CYLC2: variants seen among roughly 807,000 people sequenced by gnomAD.
CYLC2 encodes cylicin 2.
CYLC2 carries 30 observed loss-of-function variants against 26.1 expected under a neutral mutation model. That is an observed-to-expected ratio of 1.15 (90% confidence interval 0.86 to 1.56). The LOEUF is 1.56. Among genes scored for constraint, CYLC2 ranks in the 40% most tolerant of loss-of-function variants. CYLC2 has a pLI of 0.00. For missense variants in CYLC2, 498 were observed against 394.4 expected, an observed-to-expected ratio of 1.26 and a Z score of -2.23; for synonymous variants, 158 against 132.8, an observed-to-expected ratio of 1.19 and a Z score of -1.31.
chr9:103,014,441 A>G (rs5006576), intron 6 of CYLC2, among the ~76,000 whole-genome samples: 71,586 of 112,416 alleles, frequency 0.64, 21,393 homozygotes, highest in East Asian at 0.79. Flanking sequence ...TGTATATTAC[A>G]TAATATACAT....
chr9:103,001,718 T>C, intron 2 of CYLC2, 100 bp downstream of exon 2: 1 of 717,004 alleles, frequency 1.4e-6, no homozygotes, highest in Admixed American at 2.9e-5. Flanking sequence ...TGCCATGGAA[T>C]AAAATTGATA....
At position 103,005,554 on chromosome 9, in the gene CYLC2, C is replaced by T. The variant is rs1829336978; in HGVS notation, c.923C>T (p.Thr308Ile). 1 of 1,608,988 alleles carries T rather than the reference C, an allele frequency of 6.2e-7. No individual in the cohort carries two copies. Among genetic ancestry groups the T allele is most frequent in the Non-Finnish European group, 8.5e-7 (1 of 1,176,904 alleles). ...GCCAAGAAAGTTGCCAAGAAAGATA[C>T]TGAGAAAGAATCTGCTGATTCAAAG... ...KDAKKVAKKD[T>I]EKESADSKKD... The change falls in exon 5 of 8, where the codon ACT becomes ATT. Residue 308 changes from threonine to isoleucine, a missense_variant. Physicochemically the swap from Thr to Ile is moderately conservative, Grantham distance 89 (BLOSUM62 -1). Coordinates refer to ENST00000374798, the MANE Select transcript of CYLC2 (RefSeq NM_001340.5).
In CYLC2 at chr9:103,005,913, A is replaced by G. The variant is rs1171446549; in HGVS notation, c.*235A>G. ...CCATTGAAAGACTTGAAGAATACAT[A>G]TACTTATATTCGGGGATATGAAGGA... On this transcript the variant is annotated 3_prime_UTR_variant, in exon 5 of 8. Coordinates refer to ENST00000374798, the MANE Select transcript of CYLC2 (RefSeq NM_001340.5). The G allele has an allele frequency of 2.2e-6, 1 of 463,198 alleles. No individual in the cohort carries two copies. Among genetic ancestry groups the G allele is most frequent in the Non-Finnish European group, 3.8e-6 (1 of 264,854 alleles). The allele number at this position is 463,198 out of a possible 1,614,324, so 28.7% of individuals were successfully genotyped here.
At chr9:103,001,688 C>CA (rs149905682) in intron 2 of CYLC2, 70 bp downstream of exon 2, 60,667 of 968,702 alleles carry the variant, frequency 0.063, 2,426 homozygotes, top group Admixed American at 0.11. Flanking sequence ...ATCCTCTATT[C>CA]AAAGTGATAA....
chr9:103,008,037 T>G (rs1200590357), intron 5 of CYLC2, among the ~76,000 whole-genome samples: 3 of 150,722 alleles, frequency 2.0e-5, no homozygotes, highest in Non-Finnish European at 2.9e-5. Context: ...TCTAGGAACC[T>G]GCTCATCATC....
At position 102,997,514 on chromosome 9, in the gene CYLC2, C is replaced by A. The variant is rs1015369858; in HGVS notation, c.17+2117C>A. Among the ~76,000 whole-genome samples, 4 of 152,042 alleles carry A rather than the reference C, an allele frequency of 2.6e-5. No individual in the cohort carries two copies. In the East Asian group the frequency reaches 5.8e-4, roughly 22 times the overall value. ...TTGACCTTGCCTTTACACAGAGACT[C>A]CTCTAGCAAATACAAGAAGAGAAGC... On this transcript the variant is annotated intron_variant, in intron 1 of 7. Coordinates refer to ENST00000374798, the MANE Select transcript of CYLC2 (RefSeq NM_001340.5).
intron 6 of CYLC2, among the ~76,000 whole-genome samples, chr9:103,014,950 G>T (rs1229282050): frequency 7.8e-6 from 1 of 128,392 alleles, no homozygotes; most frequent in Admixed American, 8.4e-5. Flanking sequence ...CATAATACAT[G>T]TAATATACAT....
In CYLC2 at chr9:103,003,218, C is replaced by A; in HGVS notation, c.135C>A (p.Thr45=). ...LLFPKPQRPG[T]KRRSKPSQIR... ...TTCCCAAACCACAACGGCCAGGAAC[C>A]AAAAGGAGATCAAAACCTTCTCAAA... The change falls in exon 3 of 8, where the codon ACC becomes ACA. Residue 45 remains threonine, a synonymous_variant. Transcript: ENST00000374798. The A allele has an allele frequency of 1.2e-6, 2 of 1,613,786 alleles. No individual in the cohort carries two copies. Among genetic ancestry groups the A allele is most frequent in the Non-Finnish European group, 1.7e-6 (2 of 1,179,850 alleles).
chr9:103,003,019 A>G, intron 2 of CYLC2, 123 bp from the exon 3 acceptor site: 1 of 1,113,992 alleles, frequency 9.0e-7, no homozygotes, highest in Non-Finnish European at 1.3e-6. Context: ...TACCAAATAA[A>G]TGAAGTCATA....
In CYLC2 at chr9:102,997,915, T is replaced by C. The variant is rs578189411; in HGVS notation, c.17+2518T>C. Among the ~76,000 whole-genome samples the C allele has an allele frequency of 2.8e-4, 43 of 152,078 alleles. No individual in the cohort carries two copies. In the South Asian group the frequency reaches 4.6e-3, roughly 16 times the overall value. On this transcript the variant is annotated intron_variant, in intron 1 of 7. Coordinates refer to ENST00000374798, the MANE Select transcript of CYLC2 (RefSeq NM_001340.5). ...TTTATGGTGATAGAATAGAAATAGA[T>C]TTTTCTCTTAAGAAATAAAGTCCCC...
chr9:103,018,427 T>C lies in CYLC2; in HGVS notation c.*993T>C, dbSNP rs1358730325. 1 of 151,950 alleles carries C rather than the reference T, an allele frequency of 6.6e-6. No homozygotes were observed. The highest frequency in any genetic ancestry group is 1.5e-5 in the Non-Finnish European group (1 of 67,972). The allele number at this position is 151,950 out of a possible 1,614,324, so 9.4% of individuals were successfully genotyped here. A position where few individuals can be genotyped will look rare whatever the true frequency, so the allele number is the denominator to read the frequency against. On this transcript the variant is annotated 3_prime_UTR_variant, in exon 8 of 8. Transcript: ENST00000374798. ...CATGAAAGTTGCTTGACAGCTCTAATTACGAATTGAACACATTAAACACCT... is the reference window on the plus strand; with the variant it reads ...CATGAAAGTTGCTTGACAGCTCTAACTACGAATTGAACACATTAAACACCT...
chr9:103,014,548 ATG>A lies in CYLC2; in HGVS notation c.*817-2339_*817-2338del, dbSNP rs1564101217. ...ATGCAATATACATCATATGTATATT[ATG>A]CAGTATACATCATATGTATATTATG... On this transcript the variant is annotated intron_variant, in intron 6 of 7. Transcript: ENST00000374798. Among the ~76,000 whole-genome samples, 183 of 139,806 alleles carry A rather than the reference ATG, an allele frequency of 1.3e-3. 22 individuals carry two copies. Among genetic ancestry groups the A allele is most frequent in the Middle Eastern group, 0.011 (1 of 90 alleles). The allele number at this position is 139,806 out of a possible 152,430, so 91.7% of individuals were successfully genotyped here.
Position 103,008,043 on chromosome 9 carries a change from T to C in CYLC2, c.*700+1665T>C, listed in dbSNP as rs139310766. Among the ~76,000 whole-genome samples, 62 of 150,938 alleles carry C rather than the reference T, an allele frequency of 4.1e-4. No individual in the cohort carries two copies. The East Asian group carries it at 9.7e-3, about 24-fold the overall frequency. On this transcript the variant is annotated intron_variant, in intron 5 of 7. Coordinates refer to ENST00000374798, the MANE Select transcript of CYLC2 (RefSeq NM_001340.5). ...CCCACTCCCTCTAGGAACCTGCTCA[T>C]CATCTTCCTCTGCATATAGTAAAAT...
At chr9:103,014,783 A>G (rs200224384) in intron 6 of CYLC2, among the ~76,000 whole-genome samples, 20 of 13,776 alleles carry the variant, frequency 1.5e-3, no homozygotes, top group South Asian at 0.013. Context: ...ATATTATGCA[A>G]TATACATATG....
In CYLC2 at chr9:103,003,249, G is replaced by A. The variant is rs202209374; in HGVS notation, c.166G>A (p.Asp56Asn). The A allele has an allele frequency of 9.9e-6, 16 of 1,613,068 alleles. No homozygotes were observed. The highest frequency in any genetic ancestry group is 1.4e-5 in the Non-Finnish European group (16 of 1,179,520). ...KRRSKPSQIR[D>N]NTVSIIDEEQ... ...GAGATCAAAACCTTCTCAAATACGG[G>A]ACAACACGGTTTCTGTAAGCATTGG... The change falls in exon 3 of 8, where the codon GAC becomes AAC. Residue 56 changes from aspartate (D) to asparagine (N), a missense_variant. Asp to Asn is a conservative substitution (Grantham distance 23). Coordinates refer to ENST00000374798, the MANE Select transcript of CYLC2 (RefSeq NM_001340.5).
Position 103,003,128 on chromosome 9 carries a change from CT to C in CYLC2, c.59-13del, listed in dbSNP as rs770033673. On this transcript the variant is annotated splice_polypyrimidine_tract_variant and intron_variant, in intron 2 of 7. Coordinates refer to ENST00000374798, the MANE Select transcript of CYLC2 (RefSeq NM_001340.5). ...ATTCACTCCAAAATGTGTTTTTTGTCTCCCTTATTTTAGTCAGTGAATTAAG... is the reference window on the plus strand; with the variant it reads ...ATTCACTCCAAAATGTGTTTTTTGTCCCCTTATTTTAGTCAGTGAATTAAG... 171 of 1,610,734 alleles carry C rather than the reference CT, an allele frequency of 1.1e-4. No individual in the cohort carries two copies. The highest frequency in any genetic ancestry group is 8.7e-5 in the Non-Finnish European group (102 of 1,178,824).
In CYLC2 at chr9:103,003,288, T is replaced by C. The variant is rs778853112; in HGVS notation, c.180+25T>C. The C allele has an allele frequency of 7.6e-6, 12 of 1,584,214 alleles. No homozygotes were observed. The African/African-American group carries it at 1.6e-4, about 22-fold the overall frequency. ...TGTAAGCATTGGAAAGATTTTATAA[T>C]TATCAGTAATAAGTAATAACTTAGT... On this transcript the variant is annotated intron_variant, in intron 3 of 7. Coordinates refer to ENST00000374798, the MANE Select transcript of CYLC2 (RefSeq NM_001340.5).
Position 103,005,713 on chromosome 9 carries a change from C to T in CYLC2, c.*35C>T. ...AAGAATTTGAACCGAAAGAATAATTCAAAAGCATATTTGATGAAACAATAG... is the reference window on the plus strand; with the variant it reads ...AAGAATTTGAACCGAAAGAATAATTTAAAAGCATATTTGATGAAACAATAG... On this transcript the variant is annotated 3_prime_UTR_variant, in exon 5 of 8. Transcript: ENST00000374798. 1 of 1,567,094 alleles carries T rather than the reference C, an allele frequency of 6.4e-7. No individual in the cohort carries two copies. Among genetic ancestry groups the T allele is most frequent in the Non-Finnish European group, 8.6e-7 (1 of 1,159,558 alleles).
chr9:103,013,336 A>G (rs1327786232), intron 6 of CYLC2, among the ~76,000 whole-genome samples: 1 of 83,668 alleles, frequency 1.2e-5, no homozygotes, highest in South Asian at 4.1e-4. Flanking sequence ...TATATTTAAT[A>G]TATTATATAA....
Sources: gnomAD v4.1 joint callset for allele counts (sites outside exome capture counted in the v4.1 genomes callset) on GRCh38, gnomAD v4.1.1 for gene constraint, MANE v1.5 for transcripts, NCBI Gene and HGNC (gene_info 2026-07-23, HGNC 2026-07-21) for gene names.